The following CNTLN variants were observed in gnomAD, a reference collection of about 807,000 sequenced individuals.
CNTLN encodes centlein, centrosomal protein.
In CNTLN, 212 loss-of-function variants were observed where a neutral mutation model predicts 180.0. The observed-to-expected ratio is 1.18, with a 90% confidence interval of 1.05 to 1.32. CNTLN has a LOEUF of 1.32. CNTLN is among the 40% of genes most tolerant of loss of function. The probability of loss-of-function intolerance (pLI) is 0.00; values close to 1 mark genes in which losing one functional copy is unlikely to be tolerated. For missense variants in CNTLN, 2,095 were observed against 1,610.9 expected (o/e 1.30, Z -5.14); for synonymous variants, 722 against 563.1 (o/e 1.28, Z -3.99).
At chr9:17,198,386 CT>C (rs61209273) in intron 2 of CNTLN, among the ~76,000 whole-genome samples, 6,168 of 109,654 alleles carry the variant, frequency 0.056, 127 homozygotes, top group African/African-American at 0.094. Context: ...TCTTTTCTTT[CT>C]TTTTTTTTTT....
chr9:17,514,669 C>T, the CNTLN span, among the ~76,000 whole-genome samples: 5 of 152,090 alleles, frequency 3.3e-5, no homozygotes, highest in South Asian at 4.2e-4. Flanking sequence ...GATTTTATTC[C>T]AAGTGTACTG....
chr9:17,207,492 C>T (rs762462794), intron 2 of CNTLN, among the ~76,000 whole-genome samples: 7 of 152,244 alleles, frequency 4.6e-5, no homozygotes, highest in Middle Eastern at 3.4e-3. Flanking sequence ...TGTCAGCACA[C>T]GAGGGAATCT....
At chr9:17,215,920 G>T (rs1823720625) in intron 2 of CNTLN, among the ~76,000 whole-genome samples, 1 of 152,136 alleles carries the variant, frequency 6.6e-6, no homozygotes, top group Admixed American at 6.5e-5. Flanking sequence ...ATTAGGGTGG[G>T]AGTGACCTGA....
intron 8 of CNTLN, among the ~76,000 whole-genome samples, chr9:17,322,563 C>A (rs960369990): frequency 6.6e-6 from 1 of 152,048 alleles, no homozygotes; most frequent in Non-Finnish European, 1.5e-5. Context: ...TTTAACTACT[C>A]TATAGTGGCA....
intron 2 of CNTLN, among the ~76,000 whole-genome samples, chr9:17,210,935 A>T (rs1487660823): frequency 6.6e-6 from 1 of 151,962 alleles, no homozygotes; most frequent in Non-Finnish European, 1.5e-5. Flanking sequence ...GTTTGAGTTC[A>T]TTGTAGATTC....
At chr9:17,368,241 A>G (rs115166747) in intron 13 of CNTLN, among the ~76,000 whole-genome samples, 2,846 of 152,280 alleles carry the variant, frequency 0.019, 81 homozygotes, top group African/African-American at 0.065. Flanking sequence ...GGTGGTGACC[A>G]CAGGCAGAGA....
chr9:17,443,111 T>TTC (rs1347067373), intron 18 of CNTLN, among the ~76,000 whole-genome samples: 1 of 151,986 alleles, frequency 6.6e-6, no homozygotes, highest in Non-Finnish European at 1.5e-5. Context: ...GGAAGAATAC[T>TTC]TCTATGCCTG....
intron 11 of CNTLN, among the ~76,000 whole-genome samples, chr9:17,342,021 G>A (rs555452571): frequency 1.3e-5 from 2 of 152,104 alleles, no homozygotes; most frequent in African/African-American, 4.8e-5. Flanking sequence ...GTATGCGGGG[G>A]GGACCGTTAA....
chr9:17,363,815 C>G (rs993832595), intron 12 of CNTLN, among the ~76,000 whole-genome samples: 2 of 151,988 alleles, frequency 1.3e-5, no homozygotes, highest in African/African-American at 2.4e-5. Flanking sequence ...CTTTCTTCAT[C>G]ACTGCTTATT....
chr9:17,245,770 A>G (rs1690118245), intron 5 of CNTLN, among the ~76,000 whole-genome samples: 1 of 151,722 alleles, frequency 6.6e-6, no homozygotes, highest in African/African-American at 2.4e-5. Context: ...TGTATTTTCA[A>G]ACAACCCGTC....
At chr9:17,326,539 T>C (rs1417274929) in intron 8 of CNTLN, among the ~76,000 whole-genome samples, 2 of 152,268 alleles carry the variant, frequency 1.3e-5, no homozygotes, top group African/African-American at 4.8e-5. Context: ...ATAATAGTTA[T>C]ATGTGTATAT....
chr9:17,359,758 G>A (rs944348442), intron 12 of CNTLN, among the ~76,000 whole-genome samples: 2 of 38,652 alleles, frequency 5.2e-5, no homozygotes, highest in South Asian at 7.9e-4. Flanking sequence ...AAACTAGCTG[G>A]GTGTAGTGGC....
intron 25 of CNTLN, among the ~76,000 whole-genome samples, chr9:17,497,353 T>C (rs1833512725): frequency 6.6e-6 from 1 of 152,168 alleles, no homozygotes; most frequent in Non-Finnish European, 1.5e-5. Flanking sequence ...AGCCTAGAGA[T>C]GCTTCTGGAT....
At chr9:17,480,019 G>A (rs572063155) in intron 23 of CNTLN, among the ~76,000 whole-genome samples, 1 of 152,088 alleles carries the variant, frequency 6.6e-6, no homozygotes, top group South Asian at 2.1e-4. Flanking sequence ...CAATCATGGT[G>A]CATATATTTA....
At chr9:17,504,942 A>G (rs2208505), downstream of CNTLN, among the ~76,000 whole-genome samples, 143,431 of 152,204 alleles carry the variant, frequency 0.94, 67,873 homozygotes, top group Middle Eastern at 1. Context: ...TGTGACTGCA[A>G]CAATAGAAAA....
intron 10 of CNTLN, among the ~76,000 whole-genome samples, chr9:17,336,845 G>A (rs1012188940): frequency 2.0e-5 from 3 of 152,118 alleles, no homozygotes; most frequent in Admixed American, 1.3e-4. Flanking sequence ...TCTAAATGCT[G>A]GGTCAAATGG....
At chr9:17,169,732 T>G (rs1820308374) in intron 2 of CNTLN, among the ~76,000 whole-genome samples, 1 of 152,206 alleles carries the variant, frequency 6.6e-6, no homozygotes, top group African/African-American at 2.4e-5. Context: ...TTTTTTCAGA[T>G]TCTCTATTCT....
intron 2 of CNTLN, among the ~76,000 whole-genome samples, chr9:17,213,898 A>G (rs1359602149): frequency 6.6e-6 from 1 of 151,330 alleles, no homozygotes; most frequent in East Asian, 1.9e-4. Flanking sequence ...TTTGTTTTCC[A>G]TTTTCTTGGT....
chr9:17,281,487 C>T (rs1051550724), intron 6 of CNTLN, among the ~76,000 whole-genome samples: 3 of 152,060 alleles, frequency 2.0e-5, no homozygotes, highest in Non-Finnish European at 4.4e-5. Flanking sequence ...GTATTGTTCC[C>T]CTACCTGTAT....
Sources: gnomAD v4.1 joint callset for allele counts (sites outside exome capture counted in the v4.1 genomes callset) on GRCh38, gnomAD v4.1.1 for gene constraint, MANE v1.5 for transcripts, NCBI Gene and HGNC (gene_info 2026-07-23, HGNC 2026-07-21) for gene names.